The following ATRNL1 variants were observed in gnomAD, a reference collection of about 807,000 sequenced individuals.
ATRNL1 encodes the protein attractin like 1.
A neutral mutation model predicts 182.7 loss-of-function variants in ATRNL1; 95 were observed. The observed-to-expected ratio is 0.52, with a 90% CI of 0.44 to 0.62. The LOEUF (loss-of-function observed/expected upper bound fraction) is 0.62, where lower values mean the gene tolerates loss of function less well. Among genes scored for constraint, ATRNL1 ranks in the 20% least tolerant of loss-of-function variants. ATRNL1 has a pLI of 0.00. For missense variants in ATRNL1, 1,471 were observed against 1,679.5 expected (o/e 0.88, Z 2.17); for synonymous variants, 576 against 568.3 (o/e 1.01, Z -0.19).
intron 27 of ATRNL1, among the ~76,000 whole-genome samples, chr10:115,793,572 A>G (rs1005349134): frequency 1.3e-5 from 2 of 152,090 alleles, no homozygotes; most frequent in Non-Finnish European, 2.9e-5. Flanking sequence ...ATGCTTGAGG[A>G]CCACTTTGGT....
chr10:115,437,577 G>A (rs782012605), intron 21 of ATRNL1, among the ~76,000 whole-genome samples: 1 of 151,958 alleles, frequency 6.6e-6, no homozygotes. Flanking sequence ...TTTGCAAATA[G>A]TTGTATTTAT....
At chr10:115,624,840 G>T (rs190124322) in intron 26 of ATRNL1, among the ~76,000 whole-genome samples, 1 of 152,060 alleles carries the variant, frequency 6.6e-6, no homozygotes, top group Admixed American at 6.6e-5. Context: ...ACTTCTACTC[G>T]TCTTTACAGG....
intron 20 of ATRNL1, among the ~76,000 whole-genome samples, chr10:115,411,863 A>G (rs1845157117): frequency 2.6e-5 from 4 of 152,090 alleles, no homozygotes. Flanking sequence ...AAGTAAATAT[A>G]TTGAAATATT....
chr10:115,759,660 A>C (rs1252192749), intron 27 of ATRNL1, among the ~76,000 whole-genome samples: 2 of 151,902 alleles, frequency 1.3e-5, no homozygotes, highest in Non-Finnish European at 2.9e-5. Context: ...TAGTCACTAA[A>C]TATTTGAGTA....
chr10:115,788,090 T>G (rs1555080799), intron 27 of ATRNL1, among the ~76,000 whole-genome samples: 2 of 152,216 alleles, frequency 1.3e-5, no homozygotes, highest in Non-Finnish European at 2.9e-5. Context: ...TTGGAAAATA[T>G]GAGATACACC....
chr10:115,893,297 C>CT (rs1428109576), intron 28 of ATRNL1, among the ~76,000 whole-genome samples: 2 of 152,102 alleles, frequency 1.3e-5, no homozygotes, highest in Admixed American at 1.3e-4. Flanking sequence ...AGTTGATAGT[C>CT]TATCGCTGGG....
At chr10:115,495,517 A>G (rs540195247) in intron 24 of ATRNL1, among the ~76,000 whole-genome samples, 81 of 152,170 alleles carry the variant, frequency 5.3e-4, no homozygotes, top group African/African-American at 1.9e-3. Context: ...GGTGTTTTGC[A>G]TCTTTGTTCT....
chr10:115,518,234 C>G (rs531873889), intron 24 of ATRNL1, among the ~76,000 whole-genome samples: 121 of 151,948 alleles, frequency 8.0e-4, no homozygotes, highest in African/African-American at 2.8e-3. Flanking sequence ...TTGTCCAATG[C>G]CTGAAATTGG....
At chr10:115,834,641 C>T (rs1398936791) in intron 27 of ATRNL1, among the ~76,000 whole-genome samples, 1 of 152,082 alleles carries the variant, frequency 6.6e-6, no homozygotes, top group Non-Finnish European at 1.5e-5. Context: ...CAGCTGTTGT[C>T]GGATTTGGAA....
At chr10:115,912,341 A>G (rs1555116124) in intron 28 of ATRNL1, among the ~76,000 whole-genome samples, 1 of 152,176 alleles carries the variant, frequency 6.6e-6, no homozygotes, top group Admixed American at 6.5e-5. Context: ...TAGTCTAACT[A>G]GTAGTCAATA....
Position 115,370,383 on chromosome 10 carries a change from G to A in ATRNL1, c.3176-24276G>A, listed in dbSNP as rs191589610. Among the ~76,000 whole-genome samples, 99 of 152,342 alleles carry A rather than the reference G, an allele frequency of 6.5e-4. 1 individual carries two copies. In the East Asian group the frequency reaches 0.017, roughly 26 times the overall value. On this transcript the variant is annotated intron_variant, in intron 19 of 28. Transcript: ENST00000355044. The stretch of plus-strand genomic sequence containing the variant: ...CTCAGAAGAAGACAGGGAAATGTGG[G>A]AAAGTGTGGAACTCCCTAGAGACTT...
chr10:115,510,202 A>G (rs2133669823), intron 24 of ATRNL1, among the ~76,000 whole-genome samples: 1 of 152,136 alleles, frequency 6.6e-6, no homozygotes, highest in Non-Finnish European at 1.5e-5. Flanking sequence ...GATGCTGTGA[A>G]CATTGTTGAA....
intron 27 of ATRNL1, among the ~76,000 whole-genome samples, chr10:115,734,240 TA>T (rs2134079530): frequency 6.6e-6 from 1 of 152,282 alleles, no homozygotes; most frequent in Non-Finnish European, 1.5e-5. Flanking sequence ...TCTTGAGGTA[TA>T]TTGCTTATTT....
At chr10:115,370,698 T>C (rs1305991885) in intron 19 of ATRNL1, among the ~76,000 whole-genome samples, 2 of 152,154 alleles carry the variant, frequency 1.3e-5, no homozygotes, top group Admixed American at 6.6e-5. Flanking sequence ...GGAAACAGCA[T>C]AAAAGTTTGG....
intron 27 of ATRNL1, among the ~76,000 whole-genome samples, chr10:115,746,813 A>G (rs1565342885): frequency 6.6e-6 from 1 of 152,146 alleles, no homozygotes; most frequent in Non-Finnish European, 1.5e-5. Context: ...TATGAGATTC[A>G]TCAAATGTGA....
chr10:115,608,980 A>G (rs1304127051), intron 26 of ATRNL1, among the ~76,000 whole-genome samples: 2 of 151,986 alleles, frequency 1.3e-5, no homozygotes, highest in Non-Finnish European at 2.9e-5. Flanking sequence ...GGATGGCATG[A>G]ACTGATTATG....
chr10:115,241,795 A>G lies in ATRNL1; in HGVS notation c.1687+70A>G, dbSNP rs186243264. The G allele has an allele frequency of 9.6e-5, 124 of 1,293,940 alleles. 2 individuals are homozygous for G. The East Asian group carries it at 2.6e-3, about 27-fold the overall frequency. 80.2% of individuals were successfully genotyped at this position (1,293,940 alleles called of 1,614,324 possible). On this transcript the variant is annotated intron_variant, in intron 10 of 28. Transcript: ENST00000355044. ...TTTCCATATAGATATTCTCAAATAC[A>G]TTAATTGATAGCATGTGTATATGTC...
intron 26 of ATRNL1, among the ~76,000 whole-genome samples, chr10:115,632,050 G>C (rs183441344): frequency 9.6e-4 from 146 of 152,230 alleles, no homozygotes; most frequent in Middle Eastern, 6.8e-3. Context: ...GGAAGTATGG[G>C]TTTTAGTTAT....
At chr10:115,171,335 G>T (rs781904638) in intron 8 of ATRNL1, 43 bp downstream of exon 8, 30 of 1,472,620 alleles carry the variant, frequency 2.0e-5, no homozygotes, top group Admixed American at 1.5e-4. Context: ...GATTGGGAAT[G>T]TTTTTCTCTT....
Sources: allele counts gnomAD v4.1 joint callset (sites outside exome capture counted in the v4.1 genomes callset), GRCh38; gene constraint gnomAD v4.1.1; transcripts MANE v1.5; gene names NCBI Gene and HGNC (gene_info 2026-07-23, HGNC 2026-07-21).